Variants in ELL observed in about 807,000 individuals in gnomAD.
ELL encodes elongation factor for RNA polymerase II, also known as RNA polymerase II elongation factor ELL.
A neutral mutation model predicts 64.0 loss-of-function variants in ELL; 18 were observed. The observed-to-expected ratio is 0.28, with a 90% CI of 0.19 to 0.42. The LOEUF is 0.42. Among genes scored for constraint, ELL ranks in the 10% least tolerant of loss-of-function variants. ELL has a pLI of 1.00. For synonymous variants in ELL, 399 were observed against 376.2 expected, an observed-to-expected ratio of 1.06 and a Z score of -0.70; for missense variants, 797 against 870.4, an observed-to-expected ratio of 0.92 and a Z score of 1.06.
chr19:18,518,317 T>C (rs1054129218), intron 1 of ELL, among the ~76,000 whole-genome samples: 3 of 147,498 alleles, frequency 2.0e-5, no homozygotes, highest in Admixed American at 6.8e-5. Context: ...CTTGGCAACA[T>C]AGTGAGACCC....
At chr19:18,451,510 TGCAGGTG>T in intron 7 of ELL, 35 bp downstream of exon 7, 1 of 1,425,356 alleles carries the variant, frequency 7.0e-7, no homozygotes, top group Non-Finnish European at 9.2e-7. Context: ...CAGAGTGCCC[TGCAGGTG>T]CTTGGGACAG....
intron 1 of ELL, among the ~76,000 whole-genome samples, chr19:18,504,086 G>A (rs1975835980): frequency 6.6e-6 from 1 of 152,256 alleles, no homozygotes; most frequent in Non-Finnish European, 1.5e-5. Context: ...GGATCTGCGG[G>A]CTGTCACGGC....
At chr19:18,460,293 G>A (rs142874234) in intron 5 of ELL, among the ~76,000 whole-genome samples, 98 of 152,338 alleles carry the variant, frequency 6.4e-4, no homozygotes, top group African/African-American at 2.3e-3. Flanking sequence ...AGCTGCTTGG[G>A]GGGAAGCAGC....
chr19:18,484,589 A>G (rs1975372384), intron 1 of ELL, among the ~76,000 whole-genome samples: 1 of 152,230 alleles, frequency 6.6e-6, no homozygotes, highest in Non-Finnish European at 1.5e-5. Flanking sequence ...GCAGTGAGCC[A>G]TGGTTCCACC....
intron 1 of ELL, among the ~76,000 whole-genome samples, chr19:18,490,513 C>T (rs1975505749): frequency 6.6e-6 from 1 of 152,240 alleles, no homozygotes; most frequent in African/African-American, 2.4e-5. Flanking sequence ...CATCAGCTGC[C>T]TCTAATCTGC....
intron 8 of ELL, among the ~76,000 whole-genome samples, chr19:18,450,082 T>C (rs1823214475): frequency 6.6e-6 from 1 of 152,146 alleles, no homozygotes; most frequent in Admixed American, 6.5e-5. Context: ...GGGCCCCCAC[T>C]GTCTTCCCTG....
rs1469634970 is a variant in ELL at position 18,515,743 on chromosome 19, G to A, written c.135+6178C>T. ...GACGCGGAAAGTTGCATTTAAGTGA[G>A]GCTCAGGACCCCAGTGTGACTCCCC... On this transcript the variant is annotated intron_variant, in intron 1 of 11. Coordinates refer to ENST00000262809, the MANE Select transcript of ELL (RefSeq NM_006532.4). Among the ~76,000 whole-genome samples the A allele has an allele frequency of 3.3e-5, 5 of 152,148 alleles. No individual in the cohort carries two copies. The East Asian group carries it at 9.6e-4, about 29-fold the overall frequency.
intron 1 of ELL, among the ~76,000 whole-genome samples, chr19:18,507,308 C>T (rs1975902437): frequency 6.6e-6 from 1 of 152,256 alleles, no homozygotes; most frequent in Non-Finnish European, 1.5e-5. Flanking sequence ...GAGATAACAT[C>T]CCCAGATAAG....
chr19:18,471,790 A>G (rs1334348747), intron 2 of ELL, among the ~76,000 whole-genome samples: 1 of 152,188 alleles, frequency 6.6e-6, no homozygotes, highest in African/African-American at 2.4e-5. Context: ...TGATTTTTCT[A>G]TAAGATGGTC....
intron 6 of ELL, among the ~76,000 whole-genome samples, chr19:18,454,493 G>A (rs143121144): frequency 1.8e-3 from 264 of 150,532 alleles, no homozygotes; most frequent in African/African-American, 6.1e-3. Context: ...GCAAGACTCC[G>A]TCTCAAAATA....
At chr19:18,446,025 G>T in intron 10 of ELL, 1 of 438,864 alleles carries the variant, frequency 2.3e-6, no homozygotes, top group Non-Finnish European at 4.1e-6. Flanking sequence ...AACATGTGGG[G>T]ATCCATGTAC....
chr19:18,519,817 A>T (rs1976218269), intron 1 of ELL, among the ~76,000 whole-genome samples: 1 of 150,370 alleles, frequency 6.7e-6, no homozygotes, highest in East Asian at 1.9e-4. Context: ...AAAAAAAAAA[A>T]AAAAAAAGAA....
At chr19:18,510,679 C>T (rs1244527906) in intron 1 of ELL, among the ~76,000 whole-genome samples, 1 of 152,210 alleles carries the variant, frequency 6.6e-6, no homozygotes, top group Admixed American at 6.5e-5. Flanking sequence ...GACCACCCCA[C>T]ACCCATTAAG....
chr19:18,484,409 G>A (rs1008445427), intron 1 of ELL, among the ~76,000 whole-genome samples: 1 of 152,196 alleles, frequency 6.6e-6, no homozygotes, highest in Admixed American at 6.5e-5. Context: ...AGGTTGCAGT[G>A]AGCCAAGATC....
At chr19:18,469,454 T>C (rs1975016424) in intron 2 of ELL, among the ~76,000 whole-genome samples, 1 of 152,220 alleles carries the variant, frequency 6.6e-6, no homozygotes, top group African/African-American at 2.4e-5. Flanking sequence ...GGGACAAGGT[T>C]TGAAACGCAG....
intron 1 of ELL, among the ~76,000 whole-genome samples, chr19:18,519,806 CAAAAA>C (rs1183522203): frequency 1.6e-5 from 1 of 63,014 alleles, no homozygotes; most frequent in Non-Finnish European, 3.4e-5. Flanking sequence ...AACTCCATCT[CAAAAA>C]AAAAAAAAAA....
intron 1 of ELL, among the ~76,000 whole-genome samples, chr19:18,508,601 G>A (rs147338085): frequency 1.9e-4 from 29 of 152,334 alleles, no homozygotes; most frequent in African/African-American, 4.3e-4. Context: ...CTGGCCCCAC[G>A]ACAGTGGTTC....
chr19:18,458,950 G>A (rs1974742993), intron 5 of ELL, among the ~76,000 whole-genome samples: 1 of 151,540 alleles, frequency 6.6e-6, no homozygotes, highest in East Asian at 1.9e-4. Flanking sequence ...GTGCAGTGGT[G>A]TGATCAAGGT....
chr19:18,466,734 C>A (rs940060220), intron 2 of ELL, among the ~76,000 whole-genome samples: 1 of 152,216 alleles, frequency 6.6e-6, no homozygotes, highest in Non-Finnish European at 1.5e-5. Flanking sequence ...TAAACTAATG[C>A]CTGGGCTTTG....
Sources: allele counts gnomAD v4.1 joint callset (sites outside exome capture counted in the v4.1 genomes callset), GRCh38; gene constraint gnomAD v4.1.1; transcripts MANE v1.5; gene names NCBI Gene and HGNC (gene_info 2026-07-23, HGNC 2026-07-21).